RHOT1: variants seen among roughly 807,000 people sequenced by gnomAD.
RHOT1 encodes the protein mitochondrial Rho GTPase 1.
RHOT1 carries 27 observed loss-of-function variants against 95.3 expected under a neutral mutation model. The ratio of observed to expected loss-of-function variants is 0.28; its 90% CI spans 0.21 to 0.39. The LOEUF is 0.39. Ranked by LOEUF, RHOT1 falls within the 10% of genes least tolerant of loss-of-function variation. The pLI is 1.00. For synonymous variants in RHOT1, 227 were observed against 263.5 expected (o/e 0.86, Z 1.34); for missense variants, 578 against 786.7 (o/e 0.73, Z 3.17).
intron 1 of RHOT1, among the ~76,000 whole-genome samples, chr17:32,153,485 C>A (rs968419184): frequency 3.3e-5 from 5 of 152,074 alleles, no homozygotes; most frequent in African/African-American, 1.2e-4. Flanking sequence ...ATAATGAGAA[C>A]CTATCTGTAC....
intron 1 of RHOT1, among the ~76,000 whole-genome samples, chr17:32,156,867 T>G (rs1462003980): frequency 6.6e-6 from 1 of 152,268 alleles, no homozygotes; most frequent in Non-Finnish European, 1.5e-5. Context: ...TTACCATTTG[T>G]GTACTTAATG....
chr17:32,195,868 T>C lies in RHOT1; in HGVS notation c.869+1761T>C, dbSNP rs547229510. Among the ~76,000 whole-genome samples the C allele has an allele frequency of 2.6e-5, 4 of 152,326 alleles. No homozygotes were observed. In the East Asian group the frequency reaches 7.7e-4, roughly 29 times the overall value. On this transcript the variant is annotated intron_variant, in intron 11 of 19. Transcript: ENST00000545287. ...GTTATAGGACTCTCTCATAAGGTTT[T>C]CTTTTCTGTGTCATTTATGTGAATA...
intron 16 of RHOT1, among the ~76,000 whole-genome samples, chr17:32,206,535 T>C (rs2037764599): frequency 7.1e-6 from 1 of 139,924 alleles, no homozygotes; most frequent in African/African-American, 2.7e-5. Flanking sequence ...CACTGCGAGC[T>C]CCGCCTCCCG....
chr17:32,219,875 A>G (rs1018378698), intron 19 of RHOT1, among the ~76,000 whole-genome samples: 1 of 152,252 alleles, frequency 6.6e-6, no homozygotes, highest in Non-Finnish European at 1.5e-5. Flanking sequence ...GATACTGCTT[A>G]ACTAAATGAT....
At chr17:32,156,149 C>T (rs965165112) in intron 1 of RHOT1, among the ~76,000 whole-genome samples, 1 of 152,220 alleles carries the variant, frequency 6.6e-6, no homozygotes, top group Non-Finnish European at 1.5e-5. Context: ...CTACTTTGTT[C>T]TTGTAGCTAG....
Position 32,211,230 on chromosome 17 carries a change from T to C in RHOT1, c.1854T>C (p.Val618=). ...QSVKNKIFTA[V]LNRHVTQADL... is the part of the protein sequence containing the mutation. ...TAAAGAACAAAATCTTCACTGCAGT[T>C]CTTAACAGGTTCTTAACTTTATTTA... The change falls in exon 19 of 20, where the codon GTT becomes GTC. Residue 618 remains valine, a synonymous_variant. Transcript: ENST00000545287. 2 of 1,606,116 alleles carry C rather than the reference T, an allele frequency of 1.2e-6. No homozygotes were observed. The highest frequency in any genetic ancestry group is 1.7e-6 in the Non-Finnish European group (2 of 1,174,438).
At chr17:32,184,657 AT>A (rs890825371) in intron 8 of RHOT1, among the ~76,000 whole-genome samples, 3 of 150,924 alleles carry the variant, frequency 2.0e-5, no homozygotes, top group African/African-American at 4.9e-5. Flanking sequence ...TGCCCAGCTG[AT>A]TTTTTTTACT....
At chr17:32,182,542 C>G (rs1432501390) in intron 6 of RHOT1, among the ~76,000 whole-genome samples, 1 of 152,082 alleles carries the variant, frequency 6.6e-6, no homozygotes, top group African/African-American at 2.4e-5. Flanking sequence ...GTCCTTAATA[C>G]TTAAAGCAGT....
chr17:32,186,113 T>C (rs1040793398), intron 8 of RHOT1, among the ~76,000 whole-genome samples: 3 of 152,166 alleles, frequency 2.0e-5, no homozygotes, highest in African/African-American at 7.2e-5. Context: ...AGCAGCTATT[T>C]TACACAATGA....
At chr17:32,178,426 G>A (rs1006631230) in intron 6 of RHOT1, among the ~76,000 whole-genome samples, 11 of 152,014 alleles carry the variant, frequency 7.2e-5, no homozygotes, top group Admixed American at 4.6e-4. Context: ...TCCTGGCCTC[G>A]GGTGATCTGC....
intron 19 of RHOT1, 132 bp from the exon 20 acceptor site, chr17:32,224,484 T>C (rs1475006669): frequency 1.2e-5 from 6 of 504,444 alleles, no homozygotes; most frequent in Admixed American, 9.7e-5. Context: ...TCAATGTTTT[T>C]GATAAGCATT....
At chr17:32,167,451 C>G (rs145127288) in intron 1 of RHOT1, among the ~76,000 whole-genome samples, 1 of 152,054 alleles carries the variant, frequency 6.6e-6, no homozygotes, top group Admixed American at 6.6e-5. Flanking sequence ...CTCAGCCTCC[C>G]GAGTAGCTGG....
intron 2 of RHOT1, among the ~76,000 whole-genome samples, chr17:32,171,553 T>C (rs1243843313): frequency 6.6e-6 from 1 of 152,238 alleles, no homozygotes; most frequent in Non-Finnish European, 1.5e-5. Flanking sequence ...GTCTCATCTA[T>C]AAAATGGAAG....
intron 1 of RHOT1, among the ~76,000 whole-genome samples, chr17:32,147,921 A>T (rs557669303): frequency 7.1e-6 from 1 of 141,336 alleles, no homozygotes; most frequent in East Asian, 1.9e-4. Flanking sequence ...CATTGAGGTG[A>T]ACTGCATCTT....
chr17:32,195,136 T>TC (rs1405584212), intron 11 of RHOT1, among the ~76,000 whole-genome samples: 2 of 151,650 alleles, frequency 1.3e-5, no homozygotes, highest in Non-Finnish European at 2.9e-5. Flanking sequence ...TTTTTTTTTT[T>TC]CCCTAAGAGA....
chr17:32,184,794 G>A (rs531731242), intron 8 of RHOT1, among the ~76,000 whole-genome samples: 2 of 152,226 alleles, frequency 1.3e-5, no homozygotes, highest in African/African-American at 2.4e-5. Flanking sequence ...GTGAGCCACC[G>A]CACCTGGCTG....
chr17:32,198,499 C>T (rs1490226290), intron 11 of RHOT1, among the ~76,000 whole-genome samples: 1 of 152,050 alleles, frequency 6.6e-6, no homozygotes, highest in Non-Finnish European at 1.5e-5. Flanking sequence ...TTGCTTGAGC[C>T]CAGGAGTTTG....
chr17:32,206,295 T>C (rs2037728912), intron 16 of RHOT1, among the ~76,000 whole-genome samples: 1 of 149,660 alleles, frequency 6.7e-6, no homozygotes, highest in Non-Finnish European at 1.5e-5. Context: ...AACCTCTGCT[T>C]TCCAGGCTCA....
At chr17:32,221,384 A>G (rs922965922) in intron 19 of RHOT1, among the ~76,000 whole-genome samples, 12 of 151,604 alleles carry the variant, frequency 7.9e-5, no homozygotes, top group South Asian at 2.1e-4. Context: ...AAAAAAAAAA[A>G]AAAGAAAGAA....
Sources: allele counts gnomAD v4.1 joint callset (sites outside exome capture counted in the v4.1 genomes callset), GRCh38; gene constraint gnomAD v4.1.1; transcripts MANE v1.5; gene names NCBI Gene and HGNC (gene_info 2026-07-23, HGNC 2026-07-21).